The following UMAD1 variants were observed in gnomAD, a reference collection of about 807,000 sequenced individuals.
UMAD1 encodes the protein UBAP1-MVB12-associated (UMA) domain containing 1.
UMAD1 carries 8 observed loss-of-function variants against 6.1 expected under a neutral mutation model. The observed-to-expected ratio is 1.30, with a 90% CI of 0.76 to 2.35. The LOEUF is 2.35. UMAD1 is among the 30% of genes most tolerant of loss of function. UMAD1 has a pLI of 0.00. For synonymous variants in UMAD1, 56 were observed against 31.4 expected, an observed-to-expected ratio of 1.78 and a Z score of -2.61; for missense variants, 130 against 78.4, an observed-to-expected ratio of 1.66 and a Z score of -2.49.
At chr7:7,841,295 T>G (rs1387462688) in intron 3 of UMAD1, among the ~76,000 whole-genome samples, 1 of 149,566 alleles carries the variant, frequency 6.7e-6, no homozygotes, top group Non-Finnish European at 1.5e-5. Context: ...AGCTACGAAC[T>G]GTCAATATAA....
intron 2 of UMAD1, among the ~76,000 whole-genome samples, chr7:7,712,486 A>G (rs1408108836): frequency 6.6e-6 from 1 of 152,046 alleles, no homozygotes; most frequent in East Asian, 1.9e-4. Flanking sequence ...AATATTTTTA[A>G]AGTTGTATTT....
At chr7:7,847,092 AAAAAAAAAAAAAATATAT>A (rs1783802610) in intron 3 of UMAD1, among the ~76,000 whole-genome samples, 1 of 29,250 alleles carries the variant, frequency 3.4e-5, no homozygotes, top group African/African-American at 2.3e-4. Flanking sequence ...CAATGCAAAA[AAAAAAAAAAAAAATATAT>A]ATATATATAT....
intron 2 of UMAD1, among the ~76,000 whole-genome samples, chr7:7,708,900 A>T (rs186292127): frequency 8.0e-4 from 121 of 151,746 alleles, no homozygotes; most frequent in African/African-American, 2.6e-3. Context: ...TTTAACCAGC[A>T]AGGGGTGTGT....
intron 3 of UMAD1, among the ~76,000 whole-genome samples, chr7:7,871,197 C>A (rs958341513): frequency 6.6e-6 from 1 of 152,182 alleles, no homozygotes; most frequent in African/African-American, 2.4e-5. Context: ...ATGATTTTCT[C>A]AGTCCTTTCT....
chr7:7,727,855 G>C (rs1368378537), intron 2 of UMAD1, among the ~76,000 whole-genome samples: 1 of 152,102 alleles, frequency 6.6e-6, no homozygotes, highest in Non-Finnish European at 1.5e-5. Context: ...ACCTTTGTGT[G>C]AGTTTAATAC....
intron 2 of UMAD1, among the ~76,000 whole-genome samples, chr7:7,775,861 A>G (rs1014910256): frequency 6.6e-6 from 1 of 152,204 alleles, no homozygotes; most frequent in Admixed American, 6.5e-5. Flanking sequence ...AATCTAGAAA[A>G]TGTGAACCTA....
At chr7:7,704,861 T>C (rs972839221) in intron 2 of UMAD1, among the ~76,000 whole-genome samples, 2 of 149,992 alleles carry the variant, frequency 1.3e-5, no homozygotes, top group Admixed American at 6.7e-5. Flanking sequence ...GGGTCATCAA[T>C]TGAAAAAAAA....
intron 2 of UMAD1, among the ~76,000 whole-genome samples, chr7:7,743,424 C>A (rs1272900415): frequency 6.6e-6 from 1 of 151,962 alleles, no homozygotes; most frequent in African/African-American, 2.4e-5. Flanking sequence ...ACTACAGATA[C>A]AAAATTTATA....
intron 2 of UMAD1, among the ~76,000 whole-genome samples, chr7:7,776,200 C>T (rs1182765357): frequency 3.3e-5 from 5 of 152,152 alleles, no homozygotes; most frequent in Non-Finnish European, 4.4e-5. Flanking sequence ...GTGGTATGCA[C>T]TTGTAGTTCC....
At chr7:7,801,598 A>G in intron 2 of UMAD1, 72 bp from the exon 3 acceptor site, 1 of 670,980 alleles carries the variant, frequency 1.5e-6, no homozygotes, top group Non-Finnish European at 2.7e-6. Flanking sequence ...AGATACTTCA[A>G]ACAAATAGCA....
chr7:7,762,066 A>C (rs1011831114), intron 2 of UMAD1, among the ~76,000 whole-genome samples: 1 of 152,344 alleles, frequency 6.6e-6, no homozygotes, highest in South Asian at 2.1e-4. Context: ...GCCAGAATTC[A>C]GAAAGTAGAA....
At chr7:7,873,565 A>C (rs1784365848) in intron 3 of UMAD1, among the ~76,000 whole-genome samples, 1 of 152,236 alleles carries the variant, frequency 6.6e-6, no homozygotes, top group African/African-American at 2.4e-5. Context: ...TGTTAGTTGC[A>C]GTCCTAAAAC....
chr7:7,709,668 A>T (rs890125428), intron 2 of UMAD1, among the ~76,000 whole-genome samples: 3 of 152,246 alleles, frequency 2.0e-5, no homozygotes, highest in African/African-American at 7.2e-5. Flanking sequence ...ATTACAATTT[A>T]TAATAACTGT....
chr7:7,653,441 C>A (rs1027456831), intron 1 of UMAD1, among the ~76,000 whole-genome samples: 2 of 152,194 alleles, frequency 1.3e-5, no homozygotes, highest in Admixed American at 6.5e-5. Flanking sequence ...ACCTTATCTT[C>A]TAAGGATGCT....
rs972924846 is a variant in UMAD1, at chr7:7,878,621, T to C, written c.*1083T>C. On this transcript the variant is annotated 3_prime_UTR_variant, in exon 4 of 4. Transcript: ENST00000682710. ...TTTTCTATGTCATGGGAAATTGAAA[T>C]CACATTTATTTTGATTACCAGCAAT... 6.6e-6 allele frequency: 1 copy of C among 152,230 alleles called. No individual in the cohort carries two copies. Among genetic ancestry groups the C allele is most frequent in the African/African-American group, 2.4e-5 (1 of 41,462 alleles). The allele number at this position is 152,230 out of a possible 1,614,324, so 9.4% of individuals were successfully genotyped here.
chr7:7,796,240 C>CTTTTTTTTTTT (rs1782675248), intron 2 of UMAD1, among the ~76,000 whole-genome samples: 6 of 95,986 alleles, frequency 6.3e-5, no homozygotes, highest in African/African-American at 3.4e-4. Context: ...TTTCTATTTT[C>CTTTTTTTTTTT]TTTCTTTTTT....
At chr7:7,755,954 C>T (rs556385473) in intron 2 of UMAD1, among the ~76,000 whole-genome samples, 12 of 152,280 alleles carry the variant, frequency 7.9e-5, no homozygotes, top group Middle Eastern at 3.4e-3. Context: ...ACACTTATCA[C>T]TAAATAAATG....
intron 2 of UMAD1, among the ~76,000 whole-genome samples, chr7:7,700,730 A>G (rs1401169149): frequency 6.6e-6 from 1 of 152,192 alleles, no homozygotes; most frequent in South Asian, 2.1e-4. Context: ...TCTACTAAAA[A>G]TATAAAAATT....
At chr7:7,775,490 G>A (rs1782186871) in intron 2 of UMAD1, among the ~76,000 whole-genome samples, 1 of 152,062 alleles carries the variant, frequency 6.6e-6, no homozygotes, top group South Asian at 2.1e-4. Context: ...GGTGCCTTCC[G>A]CCATGATTGT....
Sources: gnomAD v4.1 joint callset for allele counts (sites outside exome capture counted in the v4.1 genomes callset) on GRCh38, gnomAD v4.1.1 for gene constraint, MANE v1.5 for transcripts, NCBI Gene and HGNC (gene_info 2026-07-23, HGNC 2026-07-21) for gene names.